Variants in FAM184A observed in about 807,000 individuals in gnomAD.
The protein encoded by FAM184A is protein FAM184A.
In FAM184A, 99 loss-of-function variants were observed where a neutral mutation model predicts 143.8. The ratio of observed to expected loss-of-function variants is 0.69; its 90% confidence interval spans 0.58 to 0.81. The LOEUF is 0.81. Ranked by LOEUF, FAM184A falls within the 40% of genes least tolerant of loss-of-function variation. The probability of loss-of-function intolerance (pLI) is 0.00; values close to 1 mark genes in which losing one functional copy is unlikely to be tolerated. For missense variants in FAM184A, 1,217 were observed against 1,310.5 expected (o/e 0.93, Z 1.10); for synonymous variants, 427 against 446.4 (o/e 0.96, Z 0.55).
intron 9 of FAM184A, among the ~76,000 whole-genome samples, chr6:118,994,472 G>C (rs746867332): frequency 9.9e-5 from 15 of 151,844 alleles, no homozygotes; most frequent in Non-Finnish European, 2.1e-4. Flanking sequence ...GGATCACAAG[G>C]TCAAGAGATT....
At chr6:119,033,676 AAAG>A (rs892044403) in intron 1 of FAM184A, among the ~76,000 whole-genome samples, 20 of 148,284 alleles carry the variant, frequency 1.3e-4, no homozygotes, top group African/African-American at 5.0e-4. Flanking sequence ...AAAAAAAAAA[AAAG>A]AAAGAAAGAA....
At chr6:119,030,247 T>C (rs1785818183) in intron 1 of FAM184A, among the ~76,000 whole-genome samples, 1 of 152,124 alleles carries the variant, frequency 6.6e-6, no homozygotes, top group Non-Finnish European at 1.5e-5. Context: ...TAATACTGCT[T>C]TCATTAGTGA....
chr6:119,003,429 T>C, intron 8 of FAM184A, 72 bp downstream of exon 8: 1 of 1,429,106 alleles, frequency 7.0e-7, no homozygotes, highest in Non-Finnish European at 9.6e-7. Flanking sequence ...AACAATAGGA[T>C]AATGTGAGTC....
chr6:119,026,130 A>C (rs145930590), intron 1 of FAM184A, among the ~76,000 whole-genome samples: 1 of 152,318 alleles, frequency 6.6e-6, no homozygotes, highest in Non-Finnish European at 1.5e-5. Context: ...ATACTCGCTT[A>C]GTCTGCCATC....
At chr6:119,106,147 T>C (rs1008410069) in intron 1 of FAM184A, among the ~76,000 whole-genome samples, 11 of 151,956 alleles carry the variant, frequency 7.2e-5, no homozygotes, top group Admixed American at 2.0e-4. Flanking sequence ...AATCCCAGCA[T>C]TTTGGGAGGC....
intron 1 of FAM184A, among the ~76,000 whole-genome samples, chr6:119,123,100 T>A (rs115934986): frequency 1.3e-5 from 2 of 151,468 alleles, no homozygotes; most frequent in Admixed American, 6.6e-5. Context: ...GGCAAAACAG[T>A]AGGGGCAGGC....
At chr6:119,015,497 C>G (rs552004985) in intron 5 of FAM184A, among the ~76,000 whole-genome samples, 1 of 152,172 alleles carries the variant, frequency 6.6e-6, no homozygotes, top group Non-Finnish European at 1.5e-5. Context: ...TGTACTGGGT[C>G]CCCCAGCAGT....
chr6:119,009,549 C>T (rs1016779502), intron 6 of FAM184A: 5 of 153,612 alleles, frequency 3.3e-5, no homozygotes, highest in African/African-American at 1.2e-4. Context: ...CCAATTAAAC[C>T]TCTTTCTTTT....
chr6:119,103,068 T>C (rs538692284), intron 1 of FAM184A, among the ~76,000 whole-genome samples: 8 of 152,318 alleles, frequency 5.3e-5, no homozygotes, highest in Non-Finnish European at 1.0e-4. Context: ...TATGATATTC[T>C]TATTCTCCTG....
chr6:119,148,204 T>A (rs1290871119), intron 1 of FAM184A, among the ~76,000 whole-genome samples: 1 of 152,142 alleles, frequency 6.6e-6, no homozygotes, highest in African/African-American at 2.4e-5. Context: ...CAGAAGCACT[T>A]TCCTGGGAAG....
chr6:118,967,090 C>T (rs1448113455), intron 14 of FAM184A, 138 bp from the exon 15 acceptor site: 2 of 514,100 alleles, frequency 3.9e-6, no homozygotes, highest in East Asian at 6.4e-5. Context: ...AACTTTTAAG[C>T]ATAATGACAT....
chr6:118,989,083 T>C (rs978476970), intron 9 of FAM184A, among the ~76,000 whole-genome samples: 4 of 149,858 alleles, frequency 2.7e-5, no homozygotes, highest in Non-Finnish European at 5.9e-5. Context: ...TGCCTCAGCC[T>C]CCCAAGTAGC....
At chr6:119,021,788 C>A (rs937291389) in intron 3 of FAM184A, among the ~76,000 whole-genome samples, 2 of 152,022 alleles carry the variant, frequency 1.3e-5, no homozygotes, top group Non-Finnish European at 2.9e-5. Context: ...TCACCCTAGG[C>A]AACATGGCAA....
intron 1 of FAM184A, among the ~76,000 whole-genome samples, chr6:119,075,000 G>A (rs1425147748): frequency 6.6e-6 from 1 of 152,216 alleles, no homozygotes; most frequent in Non-Finnish European, 1.5e-5. Context: ...AATAGGATAT[G>A]AACAAATATG....
In FAM184A at chr6:118,984,164, T is replaced by A. The variant is rs945624939; in HGVS notation, c.2089-3814A>T. ...AAACTCCATTTAAAAAAAAAATATA[T>A]ATATATATATATATTTATATATATA... is the stretch of plus-strand genomic sequence containing the variant. On this transcript the variant is annotated intron_variant, in intron 9 of 17. Coordinates refer to ENST00000338891, the MANE Select transcript of FAM184A (RefSeq NM_024581.6). Among the ~76,000 whole-genome samples, 690 of 137,758 alleles carry A rather than the reference T, an allele frequency of 5.0e-3. 10 individuals are homozygous for A. Among genetic ancestry groups the A allele is most frequent in the Middle Eastern group, 0.018 (5 of 272 alleles). 90.4% of individuals were successfully genotyped at this position (137,758 alleles called of 152,430 possible).
chr6:119,001,528 C>T (rs1411797217), intron 9 of FAM184A, among the ~76,000 whole-genome samples: 1 of 151,850 alleles, frequency 6.6e-6, no homozygotes, highest in Non-Finnish European at 1.5e-5. Flanking sequence ...ATTAGGTCCT[C>T]TCAGGAAAGA....
At chr6:119,080,957 C>T (rs974759662), upstream of FAM184A, among the ~76,000 whole-genome samples, 1 of 152,062 alleles carries the variant, frequency 6.6e-6, no homozygotes, top group Admixed American at 6.6e-5. Context: ...ACAATCATGG[C>T]AGAAGGTGAA....
Position 119,148,243 on chromosome 6 carries a change from T to A in FAM184A, c.-202+835A>T, listed in dbSNP as rs200904790. ...CCCAGGCAGGGCTTGGCTGGACTTC[T>A]GGTGATCTCCTGAGTGAGGTGCATG... On this transcript the variant is annotated intron_variant, in intron 1 of 16. Transcript: ENST00000352896. Among the ~76,000 whole-genome samples, 10 of 152,314 alleles carry A rather than the reference T, an allele frequency of 6.6e-5. No individual in the cohort carries two copies. The East Asian group carries it at 1.5e-3, about 24-fold the overall frequency.
intron 1 of FAM184A, among the ~76,000 whole-genome samples, chr6:119,058,175 CTTTTTT>C (rs5879483): frequency 5.6e-5 from 5 of 89,716 alleles, no homozygotes; most frequent in African/African-American, 2.2e-4. Flanking sequence ...CTCCTTCTCT[CTTTTTT>C]TTTTTTTTTT....
Sources: allele counts gnomAD v4.1 joint callset (sites outside exome capture counted in the v4.1 genomes callset), GRCh38; gene constraint gnomAD v4.1.1; transcripts MANE v1.5; gene names NCBI Gene and HGNC (gene_info 2026-07-23, HGNC 2026-07-21).